RHOG: variants seen among roughly 807,000 people sequenced by gnomAD.
The protein encoded by RHOG is ras homolog family member G.
A neutral mutation model predicts 12.3 loss-of-function variants in RHOG; 1 was observed. That is an observed-to-expected ratio of 0.08 (90% CI 0.03 to 0.39). The LOEUF is 0.39. Among genes scored for constraint, RHOG ranks in the 10% least tolerant of loss-of-function variants. The pLI is 0.99. For synonymous variants in RHOG, 129 were observed against 116.0 expected (o/e 1.11, Z -0.72); for missense variants, 114 against 266.2 (o/e 0.43, Z 3.98).
At chr11:3,836,011 C>T (rs1366057332) in intron 1 of RHOG, among the ~76,000 whole-genome samples, 1 of 150,974 alleles carries the variant, frequency 6.6e-6, no homozygotes, top group African/African-American at 2.4e-5. Flanking sequence ...CCTTTCTCCC[C>T]ATCAGCAGGG....
At chr11:3,834,336 A>T (rs1196021923) in intron 1 of RHOG, among the ~76,000 whole-genome samples, 1 of 152,186 alleles carries the variant, frequency 6.6e-6, no homozygotes, top group African/African-American at 2.4e-5. Flanking sequence ...TCTCTGGACT[A>T]AATGACAAAA....
intron 1 of RHOG, among the ~76,000 whole-genome samples, chr11:3,836,852 G>C (rs2090160023): frequency 7.3e-6 from 1 of 137,502 alleles, no homozygotes; most frequent in Admixed American, 8.1e-5. Flanking sequence ...GTGGTGAGCT[G>C]AGATCGCGCC....
chr11:3,838,945 A>G (rs1252640803), intron 1 of RHOG, among the ~76,000 whole-genome samples: 1 of 152,176 alleles, frequency 6.6e-6, no homozygotes, highest in Non-Finnish European at 1.5e-5. Context: ...CAGAGGGGTC[A>G]GTAGAACTCC....
intron 1 of RHOG, among the ~76,000 whole-genome samples, chr11:3,836,070 C>T (rs942085447): frequency 1.3e-5 from 2 of 149,688 alleles, no homozygotes; most frequent in South Asian, 2.1e-4. Context: ...AAAAAAAAAT[C>T]CCCCGGGTGC....
At chr11:3,839,482 G>A (rs1003936072) in intron 1 of RHOG, among the ~76,000 whole-genome samples, 45 of 114,602 alleles carry the variant, frequency 3.9e-4, no homozygotes, top group African/African-American at 1.5e-3. Context: ...ACACGCGCGC[G>A]CGAACACACA....
At chr11:3,828,671 T>C (rs539376957) in intron 1 of RHOG, among the ~76,000 whole-genome samples, 2 of 146,270 alleles carry the variant, frequency 1.4e-5, no homozygotes, top group East Asian at 2.0e-4. Context: ...TCACCCAGGC[T>C]GGAGTGCAGT....
rs1193944946 is a variant in RHOG, at chr11:3,829,849, C to T, written c.-68-1643G>A. ...GCAACCTCCACCTCCCGGGTTCAAG[C>T]GATTCTCCTGCCTCACCCTCCCGAG... On this transcript the variant is annotated intron_variant, in intron 1 of 1. Transcript: ENST00000351018. 3.3e-5 allele frequency among the ~76,000 whole-genome samples: 5 copies of T among 151,604 alleles called. No homozygotes were observed. The East Asian group carries it at 5.9e-4, about 18-fold the overall frequency.
intron 1 of RHOG, among the ~76,000 whole-genome samples, chr11:3,831,375 T>C (rs1186176974): frequency 6.6e-6 from 1 of 152,094 alleles, no homozygotes; most frequent in Non-Finnish European, 1.5e-5. Flanking sequence ...TGGTTCACAT[T>C]AAAAAATATT....
intron 1 of RHOG, chr11:3,830,434 C>T (rs1476459837): frequency 4.6e-5 from 7 of 152,020 alleles, no homozygotes; most frequent in Admixed American, 6.6e-5. Flanking sequence ...GCAGGTAGAT[C>T]GCTTGAGCCC....
intron 1 of RHOG, among the ~76,000 whole-genome samples, chr11:3,829,005 T>C (rs2090110211): frequency 6.6e-6 from 1 of 151,686 alleles, no homozygotes; most frequent in Non-Finnish European, 1.5e-5. Context: ...CTCTACTAAA[T>C]ATGGACCCTT....
chr11:3,837,217 C>T (rs2090163057), intron 1 of RHOG, among the ~76,000 whole-genome samples: 1 of 152,158 alleles, frequency 6.6e-6, no homozygotes. Flanking sequence ...CCGCCCGAGG[C>T]CTGAGGGGGT....
At chr11:3,837,504 A>G (rs1565084928) in intron 1 of RHOG, among the ~76,000 whole-genome samples, 1 of 152,068 alleles carries the variant, frequency 6.6e-6, no homozygotes, top group Non-Finnish European at 1.5e-5. Flanking sequence ...GGGCACTGCT[A>G]TGAGCAGTCT....
At chr11:3,829,629 T>C (rs1022163743) in intron 1 of RHOG, among the ~76,000 whole-genome samples, 1 of 152,122 alleles carries the variant, frequency 6.6e-6, no homozygotes, top group Non-Finnish European at 1.5e-5. Flanking sequence ...AGGGGAATAC[T>C]GGAGATTCAG....
At chr11:3,829,714 G>A (rs569218818) in intron 1 of RHOG, among the ~76,000 whole-genome samples, 1 of 152,000 alleles carries the variant, frequency 6.6e-6, no homozygotes, top group Non-Finnish European at 1.5e-5. Context: ...CCAGACATTA[G>A]TATCTTCTCT....
At chr11:3,837,317 TC>T (rs1449874830) in intron 1 of RHOG, among the ~76,000 whole-genome samples, 1 of 152,138 alleles carries the variant, frequency 6.6e-6, no homozygotes, top group Non-Finnish European at 1.5e-5. Flanking sequence ...GACAGGGTAC[TC>T]CCCCATCTTA....
intron 1 of RHOG, among the ~76,000 whole-genome samples, chr11:3,828,814 G>GA (rs2090106716): frequency 6.6e-6 from 1 of 151,358 alleles, no homozygotes; most frequent in Non-Finnish European, 1.5e-5. Context: ...TAGAGATGGG[G>GA]TTTCACCGTG....
chr11:3,835,222 T>A (rs1397521595), intron 1 of RHOG, among the ~76,000 whole-genome samples: 1 of 152,164 alleles, frequency 6.6e-6, no homozygotes, highest in Admixed American at 6.5e-5. Context: ...TAGCTGTCAG[T>A]AAATGACTGA....
At chr11:3,839,930 G>C (rs1303215260) in intron 1 of RHOG, among the ~76,000 whole-genome samples, 1 of 152,130 alleles carries the variant, frequency 6.6e-6, no homozygotes. Context: ...GTGAAGACAG[G>C]TCAAGGCCTA....
chr11:3,829,031 G>C (rs995508002), intron 1 of RHOG, among the ~76,000 whole-genome samples: 5 of 151,864 alleles, frequency 3.3e-5, no homozygotes, highest in African/African-American at 1.2e-4. Flanking sequence ...CAGGAGACTG[G>C]AAAGTGTTTT....
Sources: allele counts gnomAD v4.1 joint callset (sites outside exome capture counted in the v4.1 genomes callset), GRCh38; gene constraint gnomAD v4.1.1; transcripts MANE v1.5; gene names NCBI Gene and HGNC (gene_info 2026-07-23, HGNC 2026-07-21).